The following FYB1 variants were observed in gnomAD, a reference collection of about 807,000 sequenced individuals.
FYB1 encodes FYN-binding protein 1.
Under a neutral mutation model 94.1 loss-of-function variants are expected in FYB1, and 41 were observed. That is an observed-to-expected ratio of 0.44 (90% CI 0.34 to 0.57). The LOEUF (loss-of-function observed/expected upper bound fraction) is 0.57. Ranked by LOEUF, FYB1 falls within the 20% of genes least tolerant of loss-of-function variation. The pLI is 0.02. For missense variants in FYB1, 1,050 were observed against 976.8 expected, an observed-to-expected ratio of 1.07 and a Z score of -1.00; for synonymous variants, 367 against 353.2, an observed-to-expected ratio of 1.04 and a Z score of -0.44.
chr5:39,247,641 C>T (rs1751538934), intron 1 of FYB1, among the ~76,000 whole-genome samples: 1 of 152,004 alleles, frequency 6.6e-6, no homozygotes, highest in Non-Finnish European at 1.5e-5. Context: ...ATTTTTTACC[C>T]CATACATATA....
In FYB1 at chr5:39,219,500, A is replaced by G; in HGVS notation, c.-85T>C. On this transcript the variant is annotated 5_prime_UTR_variant, in exon 1 of 19. Transcript: ENST00000512982. ...CTCCTTTAGTGGATCTTCCTGGGCC[A>G]GGGTCTGGGCCCTACTCACTTCTAG... 1 of 985,510 alleles carries G rather than the reference A, an allele frequency of 1.0e-6. No individual in the cohort carries two copies. 61.0% of individuals were successfully genotyped at this position (985,510 alleles called of 1,614,324 possible).
intron 2 of FYB1, among the ~76,000 whole-genome samples, chr5:39,196,227 T>G (rs1747826072): frequency 6.9e-6 from 1 of 144,706 alleles, no homozygotes; most frequent in African/African-American, 2.7e-5. Context: ...TTTTTTTTTT[T>G]GAGATAGGGT....
chr5:39,202,347 C>T lies in FYB1; in HGVS notation c.614G>A (p.Ser205Asn). ...TTCGTCTTCATGGGAGTTCTCGGTA[C>T]TTAGGGGCGGCTTCTGGCCAAAGGC... is the stretch of plus-strand genomic sequence containing the variant. Reference protein sequence around the residue: ...KPAFGQKPPLSTENSHEDESP... With the variant: ...KPAFGQKPPLNTENSHEDESP... The change falls in exon 2 of 19, where the codon AGT (serine) becomes AAT (asparagine). Residue 205 changes from serine to asparagine, a missense_variant. Physicochemically the swap from Ser to Asn is conservative, Grantham distance 46 (BLOSUM62 1). Transcript: ENST00000512982. 1 of 1,613,892 alleles carries T rather than the reference C, an allele frequency of 6.2e-7. No individual in the cohort carries two copies. Among genetic ancestry groups the T allele is most frequent in the Non-Finnish European group, 8.5e-7 (1 of 1,179,866 alleles).
chr5:39,244,635 C>T lies in FYB1; in HGVS notation c.-28+29768G>A, dbSNP rs545691239. Among the ~76,000 whole-genome samples, 61 of 152,230 alleles carry T rather than the reference C, an allele frequency of 4.0e-4. 2 individuals carry two copies. The highest frequency in any genetic ancestry group is 3.3e-3 in the South Asian group (16 of 4,826). ...TTGTGTCTCTGCCAGGCTTTGGTAT[C>T]AGTATGATTCTGGCTTCATAAAATG... On this transcript the variant is annotated intron_variant, in intron 1 of 1. Transcript: ENST00000510188.
chr5:39,208,576 C>G (rs969971663), intron 1 of FYB1, among the ~76,000 whole-genome samples: 12 of 152,052 alleles, frequency 7.9e-5, no homozygotes, highest in Non-Finnish European at 1.5e-4. Context: ...CCATCATTAC[C>G]CATGATAGGA....
chr5:39,188,287 A>G (rs1170395478), intron 2 of FYB1, among the ~76,000 whole-genome samples: 1 of 152,214 alleles, frequency 6.6e-6, no homozygotes, highest in East Asian at 1.9e-4. Context: ...TCCCTCACTA[A>G]GCAAATTTTC....
At chr5:39,263,824 C>G (rs1435218435) in intron 1 of FYB1, among the ~76,000 whole-genome samples, 1 of 152,192 alleles carries the variant, frequency 6.6e-6, no homozygotes, top group Non-Finnish European at 1.5e-5. Flanking sequence ...AGGATCAAGG[C>G]TATCTGGAGA....
At position 39,141,151 on chromosome 5, in the gene FYB1, A is replaced by C; in HGVS notation, c.1293-10T>G. Reference sequence around the variant, plus strand: ...TTCATTGACAGGGCTTCTGAAAACGAGAAAGAAGAAACAGTGAACATGGAA... The same window carrying C: ...TTCATTGACAGGGCTTCTGAAAACGCGAAAGAAGAAACAGTGAACATGGAA... On this transcript the variant is annotated splice_polypyrimidine_tract_variant and intron_variant, in intron 3 of 18. Transcript: ENST00000512982. The C allele has an allele frequency of 6.3e-7, 1 of 1,577,162 alleles. No homozygotes were observed. The highest frequency in any genetic ancestry group is 8.7e-7 in the Non-Finnish European group (1 of 1,155,874).
chr5:39,177,546 T>G (rs1745849808), intron 2 of FYB1, among the ~76,000 whole-genome samples: 1 of 152,222 alleles, frequency 6.6e-6, no homozygotes, highest in Admixed American at 6.5e-5. Flanking sequence ...AACTGCAGGC[T>G]GATTAAGTTC....
In FYB1 at chr5:39,108,239, A is replaced by G; in HGVS notation, c.2459T>C (p.Ile820Thr). ...ADNDGEIYDDIADGCIYDND is the reference protein window; with the variant it reads ...ADNDGEIYDDTADGCIYDND ...TACTACATAAGACTTACCATCAGCAATATCATCATAGATCTCTCCATCACT... is the reference window on the plus strand; with the variant it reads ...TACTACATAAGACTTACCATCAGCAGTATCATCATAGATCTCTCCATCACT... Residue 820 changes from isoleucine to threonine, a missense_variant, in exon 18 of 19, where the codon ATT becomes ACT. By Grantham distance (89) the Ile-to-Thr change is moderately conservative. Coordinates refer to ENST00000512982, the MANE Select transcript of FYB1 (RefSeq NM_001465.6). The G allele has an allele frequency of 6.5e-7, 1 of 1,527,076 alleles. No homozygotes were observed. Among genetic ancestry groups the G allele is most frequent in the Non-Finnish European group, 8.9e-7 (1 of 1,127,784 alleles). 94.6% of individuals were successfully genotyped at this position (1,527,076 alleles called of 1,614,324 possible). A position where few individuals can be genotyped will look rare whatever the true frequency, so the allele number is the denominator to read the frequency against.
At chr5:39,245,879 C>A (rs1319311806) in intron 1 of FYB1, among the ~76,000 whole-genome samples, 1 of 152,182 alleles carries the variant, frequency 6.6e-6, no homozygotes, top group Non-Finnish European at 1.5e-5. Flanking sequence ...GGATTACAGG[C>A]ATGAGCCACT....
chr5:39,227,018 G>T (rs1750501127), intron 1 of FYB1, among the ~76,000 whole-genome samples: 2 of 152,186 alleles, frequency 1.3e-5, no homozygotes, highest in Non-Finnish European at 2.9e-5. Flanking sequence ...GGCTATATCT[G>T]GGTGCAGAGA....
chr5:39,111,951 G>A (rs573021476), intron 16 of FYB1, among the ~76,000 whole-genome samples: 6 of 151,886 alleles, frequency 4.0e-5, no homozygotes, highest in East Asian at 1.9e-4. Flanking sequence ...TCTATAGTCC[G>A]TGGGTAGGCT....
chr5:39,269,121 C>T (rs1473254110), intron 1 of FYB1, among the ~76,000 whole-genome samples: 2 of 151,906 alleles, frequency 1.3e-5, no homozygotes, highest in East Asian at 3.9e-4. Context: ...GTGATCTCGG[C>T]TCACTGCAAG....
chr5:39,166,153 T>C (rs907218433), intron 2 of FYB1, among the ~76,000 whole-genome samples: 2 of 152,034 alleles, frequency 1.3e-5, no homozygotes, highest in African/African-American at 4.8e-5. Context: ...AGAAAAGAAA[T>C]CGGCCAGGAG....
intron 1 of FYB1, among the ~76,000 whole-genome samples, chr5:39,243,355 A>G (rs550602815): frequency 9.2e-5 from 14 of 151,652 alleles, no homozygotes; most frequent in African/African-American, 2.2e-4. Flanking sequence ...AGCTTTCTAC[A>G]TATGGCTAGC....
rs539941350 is a variant in FYB1 at position 39,179,357 on chromosome 5, G to A, written c.1135+22469C>T. ...AGGATGGGTCTGGGTTCCAGTGTGG[G>A]AACAAGAAAATGGGTAGAGTAAGAA... On this transcript the variant is annotated intron_variant, in intron 2 of 18. Coordinates refer to ENST00000512982, the MANE Select transcript of FYB1 (RefSeq NM_001465.6). 2.4e-4 allele frequency among the ~76,000 whole-genome samples: 36 copies of A among 152,036 alleles called. No individual in the cohort carries two copies. The South Asian group carries it at 7.5e-3, about 32-fold the overall frequency.
At chr5:39,172,398 A>T (rs1745329429) in intron 2 of FYB1, among the ~76,000 whole-genome samples, 1 of 152,126 alleles carries the variant, frequency 6.6e-6, no homozygotes, top group Non-Finnish European at 1.5e-5. Context: ...GTGAGCCGAG[A>T]TCATGCCACT....
At chr5:39,165,844 A>T (rs775898032) in intron 2 of FYB1, among the ~76,000 whole-genome samples, 36 of 152,236 alleles carry the variant, frequency 2.4e-4, no homozygotes, top group Non-Finnish European at 3.2e-4. Context: ...TCAAAAGAAG[A>T]CACACATGTG....
Sources: gnomAD v4.1 joint callset for allele counts (sites outside exome capture counted in the v4.1 genomes callset) on GRCh38, gnomAD v4.1.1 for gene constraint, MANE v1.5 for transcripts, NCBI Gene and HGNC (gene_info 2026-07-23, HGNC 2026-07-21) for gene names.